Variants in GABRA3 observed in about 807,000 individuals in gnomAD.
GABRA3 encodes gamma-aminobutyric acid type A receptor subunit alpha3, also known as gamma-aminobutyric acid receptor subunit alpha-3.
A neutral mutation model predicts 30.1 loss-of-function variants in GABRA3; 10 were observed. The observed-to-expected ratio is 0.33, with a 90% CI of 0.20 to 0.56. The LOEUF is 0.56. Ranked by LOEUF, GABRA3 falls within the 20% of genes least tolerant of loss-of-function variation. GABRA3 has a pLI of 0.89. For missense variants in GABRA3, 233 were observed against 392.0 expected, an observed-to-expected ratio of 0.59 and a Z score of 3.42; for synonymous variants, 151 against 146.8, an observed-to-expected ratio of 1.03 and a Z score of -0.21.
chrX:152,232,260 C>A (rs1466170913), intron 5 of GABRA3, among the ~76,000 whole-genome samples: 1 of 110,665 alleles, frequency 9.0e-6, no homozygotes, highest in Non-Finnish European at 1.9e-5. Context: ...TTACCTTAGC[C>A]ATTTATTAAT....
intron 1 of GABRA3, among the ~76,000 whole-genome samples, chrX:152,398,980 T>C (rs753040228): frequency 9.0e-6 from 1 of 111,411 alleles, no homozygotes; most frequent in Non-Finnish European, 1.9e-5. Context: ...TTTTACTTTC[T>C]CAGAAGAAGC....
At chrX:152,292,812 G>T (rs111687892) in intron 3 of GABRA3, among the ~76,000 whole-genome samples, 1 of 111,496 alleles carries the variant, frequency 9.0e-6, no homozygotes, top group Admixed American at 9.6e-5. Flanking sequence ...TTATTTACCC[G>T]GTAGTCATTC....
intron 1 of GABRA3, among the ~76,000 whole-genome samples, chrX:152,444,970 A>G: frequency 1.2e-5 from 1 of 83,929 alleles, no homozygotes; most frequent in Non-Finnish European, 2.3e-5. Context: ...CTGAGGCAGG[A>G]GAATGGCGTG....
intron 2 of GABRA3, among the ~76,000 whole-genome samples, chrX:152,361,400 C>G (rs149131814): frequency 0.07 from 7,530 of 107,811 alleles, 278 homozygotes; most frequent in Non-Finnish European, 0.1. Flanking sequence ...TGGTGAAACC[C>G]CATCTCTACT....
At chrX:152,216,350 CAATG>C (rs751365616) in intron 6 of GABRA3, among the ~76,000 whole-genome samples, 3 of 103,720 alleles carry the variant, frequency 2.9e-5, no homozygotes, top group South Asian at 4.4e-4. Flanking sequence ...AAGTGTCCAT[CAATG>C]AATGAATGAA....
chrX:152,349,424 C>T (rs1248981753), intron 2 of GABRA3, among the ~76,000 whole-genome samples: 3 of 108,309 alleles, frequency 2.8e-5, no homozygotes, highest in African/African-American at 1.0e-4. Flanking sequence ...CAGCTAACAT[C>T]ATAATGACAG....
At chrX:152,233,274 T>C (rs1369321461) in intron 5 of GABRA3, among the ~76,000 whole-genome samples, 1 of 110,978 alleles carries the variant, frequency 9.0e-6, no homozygotes, top group Non-Finnish European at 1.9e-5. Context: ...TTCACTCTGA[T>C]GGTAGTTTCT....
chrX:152,399,587 C>T (rs975821208), intron 1 of GABRA3, among the ~76,000 whole-genome samples: 2 of 111,609 alleles, frequency 1.8e-5, no homozygotes, highest in African/African-American at 6.5e-5. Context: ...AGAAACAGTT[C>T]ATGTGTGGTC....
chrX:152,194,917 G>A (rs1399706438), intron 8 of GABRA3, among the ~76,000 whole-genome samples: 1 of 110,281 alleles, frequency 9.1e-6, no homozygotes, highest in Admixed American at 9.7e-5. Flanking sequence ...GTGCCACCAC[G>A]TCTGGCTAAT....
intron 5 of GABRA3, among the ~76,000 whole-genome samples, chrX:152,229,836 T>C (rs1311580126): frequency 9.0e-6 from 1 of 111,189 alleles, no homozygotes; most frequent in Non-Finnish European, 1.9e-5. Flanking sequence ...GACAACTTTA[T>C]AGAGAAAAAG....
At chrX:152,437,415 T>C (rs1221041096) in intron 1 of GABRA3, among the ~76,000 whole-genome samples, 1 of 111,953 alleles carries the variant, frequency 8.9e-6, no homozygotes, top group Non-Finnish European at 1.9e-5. Context: ...AGACTCAGTA[T>C]TGTTGGATAG....
intron 5 of GABRA3, among the ~76,000 whole-genome samples, chrX:152,229,252 G>A (rs929962452): frequency 1.8e-5 from 2 of 111,133 alleles, no homozygotes; most frequent in Non-Finnish European, 3.8e-5. Flanking sequence ...AACTATAGTC[G>A]CAATACAGGG....
intron 1 of GABRA3, among the ~76,000 whole-genome samples, chrX:152,425,840 C>T (rs1262710387): frequency 1.8e-5 from 2 of 110,115 alleles, no homozygotes; most frequent in African/African-American, 6.6e-5. Flanking sequence ...CTTCTTATCT[C>T]AGAGCCCATG....
intron 5 of GABRA3, among the ~76,000 whole-genome samples, chrX:152,253,161 T>C (rs1039326930): frequency 3.6e-5 from 4 of 111,842 alleles, no homozygotes; most frequent in Non-Finnish European, 7.5e-5. Context: ...CTCCACTGCC[T>C]TACTGATAGT....
chrX:152,351,750 T>G (rs753612446), intron 2 of GABRA3, among the ~76,000 whole-genome samples: 6 of 111,997 alleles, frequency 5.4e-5, no homozygotes, highest in African/African-American at 1.9e-4. Context: ...ACTTTTGTCA[T>G]GCCTTCCTTA....
chrX:152,392,323 A>G lies in GABRA3; in HGVS notation c.-26-27727T>C, dbSNP rs756386868. 1.3e-5 allele frequency: 5 copies of G among 383,488 alleles called. No individual in the cohort carries two copies. In the Middle Eastern group the frequency reaches 1.7e-3, roughly 133 times the overall value. The allele number at this position is 383,488 out of a possible 1,213,427, so 31.6% of individuals were successfully genotyped here. A position where few individuals can be genotyped will look rare whatever the true frequency, so the allele number is the denominator to read the frequency against. On this transcript the variant is annotated intron_variant, in intron 1 of 9. Transcript: ENST00000370314. ...CACTCAGGTTCTGCAACAGAAGCTG[A>G]CATCCAATATATAGGAGTAGATACT...
At chrX:152,181,145 A>G (rs1173221091) in intron 9 of GABRA3, among the ~76,000 whole-genome samples, 1 of 111,957 alleles carries the variant, frequency 8.9e-6, no homozygotes, top group East Asian at 2.8e-4. Context: ...ACATTTTAAC[A>G]ATATTAATTC....
chrX:152,404,748 T>G (rs1223474628), intron 1 of GABRA3, among the ~76,000 whole-genome samples: 1 of 49,574 alleles, frequency 2.0e-5, no homozygotes, highest in Non-Finnish European at 3.9e-5. Context: ...ATTATTATTA[T>G]TATTATTATT....
chrX:152,441,276 G>T (rs1033822639), intron 1 of GABRA3, among the ~76,000 whole-genome samples: 1 of 110,957 alleles, frequency 9.0e-6, no homozygotes, highest in Admixed American at 9.6e-5. Context: ...AAAGTTGCCT[G>T]GGACTAAATC....
Sources: allele counts gnomAD v4.1 joint callset (sites outside exome capture counted in the v4.1 genomes callset), GRCh38; gene constraint gnomAD v4.1.1; transcripts MANE v1.5; gene names NCBI Gene and HGNC (gene_info 2026-07-23, HGNC 2026-07-21).